ST3GAL1: variants seen among roughly 807,000 people sequenced by gnomAD.
The protein encoded by ST3GAL1 is ST3 beta-galactoside alpha-2,3-sialyltransferase 1, also known as CMP-N-acetylneuraminate-beta-galactosamide-alpha-2,3-sialyltransferase 1.
In ST3GAL1, 16 loss-of-function variants were observed where a neutral mutation model predicts 34.1. The ratio of observed to expected loss-of-function variants is 0.47; its 90% CI spans 0.32 to 0.71. The LOEUF is 0.71. Among genes scored for constraint, ST3GAL1 ranks in the 30% least tolerant of loss-of-function variants. The pLI, the probability that ST3GAL1 is intolerant of heterozygous loss-of-function variation, is 0.04. For synonymous variants in ST3GAL1, 191 were observed against 184.7 expected (o/e 1.03, Z -0.28); for missense variants, 353 against 447.4 (o/e 0.79, Z 1.90).
At chr8:133,503,459 C>T (rs1817244682) in intron 2 of ST3GAL1, among the ~76,000 whole-genome samples, 2 of 152,036 alleles carry the variant, frequency 1.3e-5, no homozygotes, top group African/African-American at 4.8e-5. Flanking sequence ...CTGTCTGCTC[C>T]CCCTCCGCCC....
chr8:133,456,752 C>A lies in ST3GAL1; in HGVS notation c.*3012G>T. On this transcript the variant is annotated 3_prime_UTR_variant, in exon 10 of 10. Transcript: ENST00000522652. ...GCACGGGAGGGTGTGAGAAGGCCAC[C>A]CAGGCAGCCTGCAGCTAGAGCTCGG... The A allele has an allele frequency of 6.6e-6, 1 of 152,426 alleles. No homozygotes were observed. The allele number at this position is 152,426 out of a possible 1,614,324, so 9.4% of individuals were successfully genotyped here.
At position 133,568,881 on chromosome 8, in the gene ST3GAL1, A is replaced by C. The variant is rs147923181; in HGVS notation, c.-582+2812T>G. Among the ~76,000 whole-genome samples the C allele has an allele frequency of 2.4e-3, 373 of 152,248 alleles. 1 individual carries two copies. Among genetic ancestry groups the C allele is most frequent in the Non-Finnish European group, 3.6e-3 (246 of 67,998 alleles). ...GGACCTAGAAGGACTCCTTCCTGTC[A>C]AGCTCACAGACGACTTCATCCCCAT... On this transcript the variant is annotated intron_variant, in intron 1 of 9. Coordinates refer to ENST00000522652, the MANE Select transcript of ST3GAL1 (RefSeq NM_173344.3).
rs2130915187 is a variant in ST3GAL1 at position 133,461,720 on chromosome 8, A to G, written c.849+155T>C. ...CTGTTACTCACTAAAACACCCTGGG[A>G]GACACATGTTGCAAGTCCTGTCGTA... On this transcript the variant is annotated intron_variant, in intron 9 of 9. Transcript: ENST00000522652. This position sits in a 1 kb window ranked among gnomAD's most constrained non-coding sequence, Gnocchi z 4.7. 6.6e-6 allele frequency among the ~76,000 whole-genome samples: 1 copy of G among 152,298 alleles called. No individual in the cohort carries two copies. Among genetic ancestry groups the G allele is most frequent in the Non-Finnish European group, 1.5e-5 (1 of 68,028 alleles).
rs528830078 is a variant in ST3GAL1 at position 133,498,708 on chromosome 8, C to T, written c.-374+427G>A. 6.3e-4 allele frequency among the ~76,000 whole-genome samples: 96 copies of T among 152,338 alleles called. 1 individual carries two copies. Among genetic ancestry groups the T allele is most frequent in the African/African-American group, 2.3e-3 (94 of 41,584 alleles). On this transcript the variant is annotated intron_variant, in intron 3 of 9. Transcript: ENST00000522652. Reference sequence around the variant, plus strand: ...GAGATTGAGTCCTGCCTGCCGGGCTCCTCTGTGGCTGAGGCAGAATGTGAG... The same window carrying T: ...GAGATTGAGTCCTGCCTGCCGGGCTTCTCTGTGGCTGAGGCAGAATGTGAG...
rs1415514451 is a variant in ST3GAL1, at chr8:133,477,268, T to C, written c.-373-668A>G. Among the ~76,000 whole-genome samples the C allele has an allele frequency of 9.2e-5, 14 of 152,354 alleles. No individual in the cohort carries two copies. The East Asian group carries it at 2.7e-3, about 29-fold the overall frequency. On this transcript the variant is annotated intron_variant, in intron 3 of 9. Coordinates refer to ENST00000522652, the MANE Select transcript of ST3GAL1 (RefSeq NM_173344.3). ...TGGGCTTCTGGTATCTATTAGGCCA[T>C]TGCTGAACTTTAATTTTTCTTCTTC...
In ST3GAL1 at chr8:133,536,907, C is replaced by T. The variant is rs889408456; in HGVS notation, c.-429+8867G>A. Reference sequence around the variant, plus strand: ...CCTGCCTATCCTCTGCTCTCACACCCGAACGGTCAACACAGAAGACTTCTG... The same window carrying T: ...CCTGCCTATCCTCTGCTCTCACACCTGAACGGTCAACACAGAAGACTTCTG... On this transcript the variant is annotated intron_variant, in intron 2 of 9. Transcript: ENST00000522652. 4.6e-5 allele frequency among the ~76,000 whole-genome samples: 7 copies of T among 152,158 alleles called. No individual in the cohort carries two copies. The South Asian group carries it at 8.3e-4, about 18-fold the overall frequency.
In ST3GAL1 at chr8:133,476,908, C is replaced by T. The variant is rs549155236; in HGVS notation, c.-373-308G>A. ...AAAGAGCTCGTGATGCATGTAGGTA[C>T]AATATACACAGGAATTGTTAAATGC... is the stretch of plus-strand genomic sequence containing the variant. On this transcript the variant is annotated intron_variant, in intron 3 of 9. Transcript: ENST00000522652. Among the ~76,000 whole-genome samples, 26 of 152,356 alleles carry T rather than the reference C, an allele frequency of 1.7e-4. 1 individual carries two copies. The South Asian group carries it at 5.4e-3, about 32-fold the overall frequency.
At chr8:133,499,568 G>C (rs925880209) in intron 2 of ST3GAL1, 1 of 152,200 alleles carries the variant, frequency 6.6e-6, no homozygotes, top group Non-Finnish European at 1.5e-5. Flanking sequence ...CAGGACAAAG[G>C]GCTCTTGCTC....
At chr8:133,553,161 C>T (rs1469403037) in intron 1 of ST3GAL1, among the ~76,000 whole-genome samples, 7 of 152,140 alleles carry the variant, frequency 4.6e-5, no homozygotes, top group African/African-American at 1.7e-4. Flanking sequence ...CATAAAAAGC[C>T]CTCCCTGCTC....
At chr8:133,551,020 G>C (rs898930213) in intron 1 of ST3GAL1, among the ~76,000 whole-genome samples, 2 of 152,146 alleles carry the variant, frequency 1.3e-5, no homozygotes, top group African/African-American at 4.8e-5. Context: ...CAATCATCTG[G>C]ATAACTGTTA....
Position 133,538,358 on chromosome 8 carries a change from T to C in ST3GAL1, c.-429+7416A>G, listed in dbSNP as rs188228546. On this transcript the variant is annotated intron_variant, in intron 2 of 9. Transcript: ENST00000522652. The stretch of plus-strand genomic sequence containing the variant: ...GGCGAAACCCCATCTCTACTACAAA[T>C]ATAAAAATTAGCCAGGTGTGGTGGT... Among the ~76,000 whole-genome samples, 683 of 152,068 alleles carry C rather than the reference T, an allele frequency of 4.5e-3. 6 individuals are homozygous for C. Among genetic ancestry groups the C allele is most frequent in the African/African-American group, 0.016 (652 of 41,476 alleles).
At chr8:133,486,195 ACT>A (rs1816588009) in intron 3 of ST3GAL1, among the ~76,000 whole-genome samples, 1 of 152,160 alleles carries the variant, frequency 6.6e-6, no homozygotes, top group South Asian at 2.1e-4. Context: ...CTTCACACCT[ACT>A]GGTGTGAAGT....
intron 2 of ST3GAL1, among the ~76,000 whole-genome samples, chr8:133,511,278 G>A (rs1817491470): frequency 6.6e-6 from 1 of 152,230 alleles, no homozygotes; most frequent in African/African-American, 2.4e-5. Flanking sequence ...GAGGTAGATA[G>A]GCATTAAATC....
chr8:133,468,529 A>G (rs190400593), intron 5 of ST3GAL1, among the ~76,000 whole-genome samples: 24 of 152,326 alleles, frequency 1.6e-4, no homozygotes, highest in African/African-American at 5.8e-4. Flanking sequence ...GATGACAAAA[A>G]TCTGCTAGTT....
At chr8:133,537,984 T>G (rs1018438803) in intron 2 of ST3GAL1, among the ~76,000 whole-genome samples, 1 of 152,102 alleles carries the variant, frequency 6.6e-6, no homozygotes, top group Non-Finnish European at 1.5e-5. Flanking sequence ...GGAAGGTCTG[T>G]GCGTCTTCTG....
At position 133,455,022 on chromosome 8, in the gene ST3GAL1, A is replaced by G. The variant is rs1815249415; in HGVS notation, c.*4742T>C. 1 of 152,246 alleles carries G rather than the reference A, an allele frequency of 6.6e-6. No individual in the cohort carries two copies. The highest frequency in any genetic ancestry group is 2.1e-4 in the South Asian group (1 of 4,822). 9.4% of individuals were successfully genotyped at this position (152,246 alleles called of 1,614,324 possible). ...TGGAGAGAGGCAGGGGGGAATAGAA[A>G]GCAAATTTAAAAACACCAACACCCA... On this transcript the variant is annotated 3_prime_UTR_variant, in exon 10 of 10. Transcript: ENST00000522652.
chr8:133,478,571 G>A (rs1816265904), intron 3 of ST3GAL1, among the ~76,000 whole-genome samples: 1 of 152,204 alleles, frequency 6.6e-6, no homozygotes, highest in South Asian at 2.1e-4. Context: ...TTGAAGCAAT[G>A]TGACTGACCC....
rs16904950 is a variant in ST3GAL1, at chr8:133,556,709, C to G, written c.-581-10783G>C. On this transcript the variant is annotated intron_variant, in intron 1 of 9. Transcript: ENST00000522652. This position sits in a 1 kb window ranked among gnomAD's most constrained non-coding sequence, Gnocchi z 8.9. ...AAAACTATTAGCCATGGAAACCTTG[C>G]ACCCAAGGACACGGCTGACATCATA... Among the ~76,000 whole-genome samples the G allele has an allele frequency of 0.43, 66,052 of 152,030 alleles. 19,335 individuals are homozygous for G. Among genetic ancestry groups the G allele is most frequent in the African/African-American group, 0.83 (34,552 of 41,492 alleles).
Position 133,463,442 on chromosome 8 carries a change from G to T in ST3GAL1, c.701C>A (p.Pro234His), listed in dbSNP as rs1397743771. 29 of 1,613,914 alleles carry T rather than the reference G, an allele frequency of 1.8e-5. No individual in the cohort carries two copies. Among genetic ancestry groups the T allele is most frequent in the African/African-American group, 4.0e-5 (3 of 74,940 alleles). The part of the protein sequence containing the change: ...GTISHTYIPV[P>H]AKIRVKQDKI... ...ATCCTGTTTCACTCTGATCTTTGCA[G>T]GAACCGGGATGTAGGTGCTGCAGTT... The change falls in exon 8 of 10, where the codon CCT becomes CAT. Residue 234 changes from proline to histidine, a missense_variant. By Grantham distance (77) the Pro-to-His change is moderately conservative (BLOSUM62 -2). Transcript: ENST00000522652.
Sources: gnomAD v4.1 joint callset for allele counts (sites outside exome capture counted in the v4.1 genomes callset) on GRCh38, gnomAD v4.1.1 for gene constraint, Gnocchi (gnomAD v3.1) non-coding constraint, MANE v1.5 for transcripts, NCBI Gene and HGNC (gene_info 2026-07-23, HGNC 2026-07-21) for gene names.